The following ARHGEF18 variants were observed in gnomAD, a reference collection of about 807,000 sequenced individuals.
ARHGEF18 encodes rho guanine nucleotide exchange factor 18.
A neutral mutation model predicts 155.7 loss-of-function variants in ARHGEF18; 93 were observed. That is an observed-to-expected ratio of 0.60 (90% CI 0.50 to 0.71). The LOEUF (loss-of-function observed/expected upper bound fraction) is 0.71. Among genes scored for constraint, ARHGEF18 ranks in the 30% least tolerant of loss-of-function variants. ARHGEF18 has a pLI of 0.00. For missense variants in ARHGEF18, 1,593 were observed against 1,816.1 expected (o/e 0.88, Z 2.23); for synonymous variants, 742 against 753.1 (o/e 0.99, Z 0.24).
rs186915936 is a variant in ARHGEF18, at chr19:7,424,384, G to A, written c.968-15960G>A. The stretch of plus-strand genomic sequence containing the variant: ...GGTTACACTTATTAGCAAAGTCCTT[G>A]GGAAAAGCAATTTGGTAATGCAAGT... On this transcript the variant is annotated intron_variant, in intron 10 of 28. Transcript: ENST00000668164. Among the ~76,000 whole-genome samples the A allele has an allele frequency of 3.9e-5, 6 of 152,204 alleles. No homozygotes were observed. The East Asian group carries it at 1.2e-3, about 29-fold the overall frequency.
intron 10 of ARHGEF18, among the ~76,000 whole-genome samples, chr19:7,431,079 A>G (rs1218427568): frequency 6.6e-6 from 1 of 152,068 alleles, no homozygotes; most frequent in Non-Finnish European, 1.5e-5. Context: ...ACTCGAGACA[A>G]GGAGGTTGAG....
At chr19:7,389,538 AT>A (rs201127521) in intron 10 of ARHGEF18, among the ~76,000 whole-genome samples, 13,394 of 108,752 alleles carry the variant, frequency 0.12, 1,075 homozygotes, top group African/African-American at 0.3. Flanking sequence ...TTATTTACTT[AT>A]TTTTTTTTTT....
chr19:7,463,753 G>T lies in ARHGEF18; in HGVS notation c.2636-65G>T. 1 of 1,499,142 alleles carries T rather than the reference G, an allele frequency of 6.7e-7. No individual in the cohort carries two copies. Among genetic ancestry groups the T allele is most frequent in the South Asian group, 1.3e-5 (1 of 76,968 alleles). The allele number at this position is 1,499,142 out of a possible 1,614,324, so 92.9% of individuals were successfully genotyped here. On this transcript the variant is annotated intron_variant, in intron 21 of 28. Transcript: ENST00000668164. This position sits in a 1 kb window ranked among gnomAD's most constrained non-coding sequence, Gnocchi z 5.2. ...TCCACCCGGGTCTCGCTGCCCCAGC[G>T]CTCCGTATTCCCCCAGCACACTTCC...
chr19:7,387,916 CA>C (rs1971176278), intron 10 of ARHGEF18, among the ~76,000 whole-genome samples: 1 of 151,410 alleles, frequency 6.6e-6, no homozygotes, highest in Admixed American at 6.6e-5. Context: ...ACACCCACCT[CA>C]GCCTCCCAAA....
chr19:7,389,689 A>C (rs1971289239), intron 10 of ARHGEF18, among the ~76,000 whole-genome samples: 1 of 151,490 alleles, frequency 6.6e-6, no homozygotes, highest in Non-Finnish European at 1.5e-5. Flanking sequence ...GTATGCCACC[A>C]TGCCTGGCTA....
In ARHGEF18 at chr19:7,470,310, C is replaced by T. The variant is rs764419646; in HGVS notation, c.*12C>T. 6.6e-7 allele frequency: 1 copy of T among 1,509,394 alleles called. No individual in the cohort carries two copies. The highest frequency in any genetic ancestry group is 8.9e-7 in the Non-Finnish European group (1 of 1,128,262). 93.5% of individuals were successfully genotyped at this position (1,509,394 alleles called of 1,614,324 possible). Reference sequence around the variant, plus strand: ...TCATCTTCTTCTAAAAGGGCCGTGACTCAAGGTGCAAGGCCCCTCCCTGCC... The same window carrying T: ...TCATCTTCTTCTAAAAGGGCCGTGATTCAAGGTGCAAGGCCCCTCCCTGCC... On this transcript the variant is annotated 3_prime_UTR_variant, in exon 29 of 29. Coordinates refer to ENST00000668164, the MANE Select transcript of ARHGEF18 (RefSeq NM_001367823.1). This position sits in a 1 kb window ranked among gnomAD's most constrained non-coding sequence, Gnocchi z 5.9.
At chr19:7,459,121 T>G (rs2145870647) in intron 19 of ARHGEF18, among the ~76,000 whole-genome samples, 1 of 152,314 alleles carries the variant, frequency 6.6e-6, no homozygotes, top group African/African-American at 2.4e-5. Context: ...CTCGGCTCAC[T>G]GCAGCCTCCG....
At chr19:7,461,286 C>T (rs986324870) in intron 20 of ARHGEF18, among the ~76,000 whole-genome samples, 33 of 145,400 alleles carry the variant, frequency 2.3e-4, no homozygotes, top group African/African-American at 7.9e-4. Flanking sequence ...CGGTGGCTCA[C>T]GCCTGTAATC....
chr19:7,352,531 C>CCT (rs1969182820), intron 1 of ARHGEF18, among the ~76,000 whole-genome samples: 2 of 93,188 alleles, frequency 2.1e-5, no homozygotes, highest in African/African-American at 9.2e-5. Flanking sequence ...CCTAGGTTTC[C>CCT]TTTTTTTTTT....
At chr19:7,453,838 A>G in intron 17 of ARHGEF18, 123 bp downstream of exon 17, 1 of 1,278,062 alleles carries the variant, frequency 7.8e-7, no homozygotes, top group Non-Finnish European at 1.0e-6. Flanking sequence ...ACCATCTTGG[A>G]GAGGTGGTCA....
chr19:7,469,158 G>A (rs748798199), intron 27 of ARHGEF18, 27 bp downstream of exon 27: 27 of 1,550,338 alleles, frequency 1.7e-5, no homozygotes, highest in Non-Finnish European at 2.4e-5. Context: ...CCTTCGCCTG[G>A]GCCTGGAAGG....
At chr19:7,359,838 C>G (rs1380561010) in intron 1 of ARHGEF18, among the ~76,000 whole-genome samples, 7 of 151,786 alleles carry the variant, frequency 4.6e-5, no homozygotes, top group Non-Finnish European at 1.5e-5. Context: ...TCAACCTGTT[C>G]CTCGGTCAGA....
intron 10 of ARHGEF18, among the ~76,000 whole-genome samples, chr19:7,385,175 G>A (rs937956524): frequency 6.6e-6 from 1 of 152,216 alleles, no homozygotes; most frequent in Non-Finnish European, 1.5e-5. Context: ...GAAGAGTAAA[G>A]CCAGAGGTCT....
the ARHGEF18 span, among the ~76,000 whole-genome samples, chr19:7,478,763 T>C: frequency 2.0e-5 from 3 of 152,176 alleles, no homozygotes; most frequent in African/African-American, 7.2e-5. Flanking sequence ...CCGTTTCCCC[T>C]CCGGGCCTCA....
chr19:7,470,119 G>A lies in ARHGEF18; in HGVS notation c.3914-7G>A. ...ACTGCTCAGTCTGAACCCTCTCTCT[G>A]TTCCAGACCCTGGCTTCCCCGCCCC... is the stretch of plus-strand genomic sequence containing the variant. On this transcript the variant is annotated splice_polypyrimidine_tract_variant and splice_region_variant and intron_variant, in intron 28 of 28. Coordinates refer to ENST00000668164, the MANE Select transcript of ARHGEF18 (RefSeq NM_001367823.1). This position sits in a 1 kb window ranked among gnomAD's most constrained non-coding sequence, Gnocchi z 5.9. The A allele has an allele frequency of 6.2e-7, 1 of 1,612,250 alleles. No homozygotes were observed. Among genetic ancestry groups the A allele is most frequent in the Non-Finnish European group, 8.5e-7 (1 of 1,179,698 alleles).
rs1431643832 is a variant in ARHGEF18 at position 7,385,895 on chromosome 19, C to T, written c.967+2692C>T. On this transcript the variant is annotated intron_variant, in intron 10 of 28. Coordinates refer to ENST00000668164, the MANE Select transcript of ARHGEF18 (RefSeq NM_001367823.1). ...TCCCCCCTCCCTCTCTCCCTCCCTC[C>T]CTCTCTCTCTCCCTCTCTCCCTCTC... 1.1e-3 allele frequency among the ~76,000 whole-genome samples: 44 copies of T among 39,188 alleles called. 1 individual carries two copies. Among genetic ancestry groups the T allele is most frequent in the African/African-American group, 7.0e-3 (32 of 4,548 alleles). 25.7% of individuals were successfully genotyped at this position (39,188 alleles called of 152,430 possible). A position where few individuals can be genotyped will look rare whatever the true frequency, so the allele number is the denominator to read the frequency against.
rs1970630421 is a variant in ARHGEF18 at position 7,379,558 on chromosome 19, C to CA, written c.644+399dup. Among the ~76,000 whole-genome samples the CA allele has an allele frequency of 3.3e-5, 5 of 151,116 alleles. No individual in the cohort carries two copies. In the South Asian group the frequency reaches 8.4e-4, roughly 25 times the overall value. On this transcript the variant is annotated intron_variant, in intron 7 of 28. Transcript: ENST00000668164. ...TGGGCAACACAGTGAAACTCTGTCT[C>CA]AAAAAAATAGAAAAAAGACAAGGCT...
intron 19 of ARHGEF18, among the ~76,000 whole-genome samples, chr19:7,459,002 G>A (rs1976025350): frequency 6.6e-6 from 1 of 152,144 alleles, no homozygotes; most frequent in African/African-American, 2.4e-5. Context: ...CTTGGGCCGA[G>A]CACCCCTCAG....
chr19:7,470,366 C>T lies in ARHGEF18; in HGVS notation c.*68C>T, dbSNP rs937362945. 85 of 1,334,728 alleles carry T rather than the reference C, an allele frequency of 6.4e-5. No individual in the cohort carries two copies. The highest frequency in any genetic ancestry group is 7.9e-5 in the Non-Finnish European group (82 of 1,035,330). 82.7% of individuals were successfully genotyped at this position (1,334,728 alleles called of 1,614,324 possible). ...CACCCTTCCTGCTCTCTGGGGACCCCCATGGGGTCACCATGCCCACCCAGC... is the reference window on the plus strand; with the variant it reads ...CACCCTTCCTGCTCTCTGGGGACCCTCATGGGGTCACCATGCCCACCCAGC... On this transcript the variant is annotated 3_prime_UTR_variant, in exon 29 of 29. Coordinates refer to ENST00000668164, the MANE Select transcript of ARHGEF18 (RefSeq NM_001367823.1). The surrounding 1 kb of genome is among the most constrained non-coding windows in gnomAD (Gnocchi z 5.9).
Sources: gnomAD v4.1 joint callset for allele counts (sites outside exome capture counted in the v4.1 genomes callset) on GRCh38, gnomAD v4.1.1 for gene constraint, Gnocchi (gnomAD v3.1) non-coding constraint, MANE v1.5 for transcripts, NCBI Gene and HGNC (gene_info 2026-07-23, HGNC 2026-07-21) for gene names.